Variants in DEUP1 observed in about 807,000 individuals in gnomAD.
DEUP1 encodes deuterosome assembly protein 1.
Under a neutral mutation model 87.4 loss-of-function variants are expected in DEUP1, and 82 were observed. The observed-to-expected ratio is 0.94, with a 90% CI of 0.78 to 1.13. The LOEUF is 1.13. Among genes scored for constraint, DEUP1 ranks in the 50% most tolerant of loss-of-function variants. DEUP1 has a pLI of 0.00. For missense variants in DEUP1, 663 were observed against 681.5 expected (o/e 0.97, Z 0.30); for synonymous variants, 214 against 222.7 (o/e 0.96, Z 0.35).
rs1441729193 is a variant in DEUP1 at position 93,355,485 on chromosome 11, TC to T, written c.145del (p.Leu49PhefsTer20). 6.2e-7 allele frequency: 1 copy of T among 1,613,730 alleles called. No individual in the cohort carries two copies. Among genetic ancestry groups the T allele is most frequent in the Non-Finnish European group, 8.5e-7 (1 of 1,179,824 alleles). ...KMRALETRLD[L>X]RDQELANAQT... The stretch of plus-strand genomic sequence containing the variant: ...TGCGGGCTTTGGAGACACGATTAGA[TC>T]TTCGGGATCAAGAATTGGCAAATGC... On this transcript the variant is annotated frameshift_variant, in exon 3 of 14. Coordinates refer to ENST00000298050, the MANE Select transcript of DEUP1 (RefSeq NM_181645.4). LOFTEE classifies it high-confidence loss of function.
intron 12 of DEUP1, among the ~76,000 whole-genome samples, chr11:93,412,515 ATT>A (rs996256284): frequency 6.6e-6 from 1 of 152,214 alleles, no homozygotes; most frequent in Non-Finnish European, 1.5e-5. Context: ...TCGTCTCTAC[ATT>A]TTATTGATCT....
chr11:93,386,642 G>C (rs1310371657), intron 8 of DEUP1, among the ~76,000 whole-genome samples: 2 of 152,108 alleles, frequency 1.3e-5, no homozygotes, highest in East Asian at 3.9e-4. Flanking sequence ...AATAACAAAT[G>C]GCAACTTAAG....
chr11:93,348,179 C>CA (rs1299711479), intron 2 of DEUP1, among the ~76,000 whole-genome samples: 1 of 152,150 alleles, frequency 6.6e-6, no homozygotes, highest in Non-Finnish European at 1.5e-5. Flanking sequence ...TCTGTGGAGT[C>CA]AGTGGTAATT....
rs753307206 is a variant in DEUP1, at chr11:93,345,741, T to C, written c.30-9630T>C. On this transcript the variant is annotated intron_variant, in intron 2 of 13. Transcript: ENST00000298050. ...CTTGTAAATTTAAGTTCCTTATAGA[T>C]GCTGGATATATTAGACCTTTGTCAG... Among the ~76,000 whole-genome samples, 3 of 152,200 alleles carry C rather than the reference T, an allele frequency of 2.0e-5. No homozygotes were observed. In the South Asian group the frequency reaches 6.2e-4, roughly 31 times the overall value.
intron 12 of DEUP1, among the ~76,000 whole-genome samples, chr11:93,413,366 T>C (rs957426438): frequency 5.3e-5 from 8 of 151,934 alleles, no homozygotes; most frequent in Non-Finnish European, 1.0e-4. Context: ...CTCAGCCTCC[T>C]GAGTAGCTGG....
At chr11:93,420,256 C>T (rs937311508) in intron 13 of DEUP1, among the ~76,000 whole-genome samples, 2 of 152,002 alleles carry the variant, frequency 1.3e-5, no homozygotes, top group Non-Finnish European at 2.9e-5. Flanking sequence ...AAGGCTGGTT[C>T]AACATACGCA....
At chr11:93,345,804 T>C (rs1190416216) in intron 2 of DEUP1, among the ~76,000 whole-genome samples, 23 of 152,168 alleles carry the variant, frequency 1.5e-4, no homozygotes, top group Admixed American at 1.5e-3. Flanking sequence ...CTTCTGTAGG[T>C]TGTCTGTTTA....
At chr11:93,333,560 G>T (rs188254166) in intron 2 of DEUP1, among the ~76,000 whole-genome samples, 182 of 152,316 alleles carry the variant, frequency 1.2e-3, no homozygotes, top group African/African-American at 4.2e-3. Context: ...TGGGGAATAT[G>T]GTCTGTAACT....
At position 93,396,255 on chromosome 11, in the gene DEUP1, A is replaced by ACATATT. The variant is rs1946942266; in HGVS notation, c.1256_1257insCATATT (p.Tyr419_Lys420insIlePhe). The ACATATT allele has an allele frequency of 6.3e-7, 1 of 1,576,312 alleles. No homozygotes were observed. Among genetic ancestry groups the ACATATT allele is most frequent in the Non-Finnish European group, 8.6e-7 (1 of 1,160,722 alleles). On this transcript the variant is annotated inframe_insertion, in exon 11 of 14. Transcript: ENST00000298050. Reference sequence around the variant, plus strand: ...TAATTTCAGGTCTCAGATATGAAATATAAAGCTGTCAGAACTGAAAACACA... The same window carrying ACATATT: ...TAATTTCAGGTCTCAGATATGAAATACATATTTAAAGCTGTCAGAACTGAAAACACA...
intron 11 of DEUP1, among the ~76,000 whole-genome samples, chr11:93,407,282 G>T (rs1015883120): frequency 6.6e-5 from 10 of 151,960 alleles, no homozygotes; most frequent in African/African-American, 2.2e-4. Context: ...TCTATGTTTA[G>T]GTATGTTCAG....
At chr11:93,401,676 T>A (rs933911008) in intron 11 of DEUP1, among the ~76,000 whole-genome samples, 2 of 151,656 alleles carry the variant, frequency 1.3e-5, no homozygotes, top group Admixed American at 6.6e-5. Context: ...ATAACCACAA[T>A]GAGATACCAC....
At chr11:93,341,693 G>A (rs1591084804) in intron 2 of DEUP1, among the ~76,000 whole-genome samples, 1 of 152,144 alleles carries the variant, frequency 6.6e-6, no homozygotes, top group African/African-American at 2.4e-5. Flanking sequence ...CTGCACACCA[G>A]CCCGGATGAC....
At chr11:93,398,615 A>T (rs2134380420) in intron 11 of DEUP1, among the ~76,000 whole-genome samples, 1 of 152,252 alleles carries the variant, frequency 6.6e-6, no homozygotes, top group East Asian at 1.9e-4. Context: ...TTCCCTGAGT[A>T]CCAGGTGAAC....
At chr11:93,416,673 A>G (rs1947643521) in intron 13 of DEUP1, among the ~76,000 whole-genome samples, 1 of 151,878 alleles carries the variant, frequency 6.6e-6, no homozygotes, top group Admixed American at 6.6e-5. Flanking sequence ...TCCCTAACTC[A>G]TTTTATGAGG....
chr11:93,339,797 C>T (rs1009635113), intron 2 of DEUP1, among the ~76,000 whole-genome samples: 7 of 152,120 alleles, frequency 4.6e-5, no homozygotes, highest in African/African-American at 1.7e-4. Flanking sequence ...GGTATCAGTG[C>T]AGAGCTACTA....
At chr11:93,375,356 C>T (rs1377768653) in intron 7 of DEUP1, among the ~76,000 whole-genome samples, 1 of 152,116 alleles carries the variant, frequency 6.6e-6, no homozygotes, top group Non-Finnish European at 1.5e-5. Flanking sequence ...GAGTGGGCAT[C>T]CTTGTCTTCT....
At chr11:93,332,003 T>C (rs893426059) in intron 1 of DEUP1, among the ~76,000 whole-genome samples, 3 of 152,170 alleles carry the variant, frequency 2.0e-5, no homozygotes, top group African/African-American at 7.2e-5. Flanking sequence ...ATCGTGCCTC[T>C]GCACTCCAGC....
chr11:93,349,014 C>T (rs546381607), intron 2 of DEUP1, among the ~76,000 whole-genome samples: 5 of 152,292 alleles, frequency 3.3e-5, no homozygotes, highest in African/African-American at 1.2e-4. Context: ...GATGTTACCT[C>T]ATTTAGGAAG....
chr11:93,388,871 T>C (rs1946674808), intron 8 of DEUP1, 149 bp from the exon 9 acceptor site: 1 of 558,974 alleles, frequency 1.8e-6, no homozygotes, highest in Non-Finnish European at 3.2e-6. Flanking sequence ...TCTGAATGTA[T>C]TAGAACTTGC....
Sources: allele counts gnomAD v4.1 joint callset (sites outside exome capture counted in the v4.1 genomes callset), GRCh38; gene constraint gnomAD v4.1.1; transcripts MANE v1.5; gene names NCBI Gene and HGNC (gene_info 2026-07-23, HGNC 2026-07-21).